PTPRD: variants seen among roughly 807,000 people sequenced by gnomAD.
The protein encoded by PTPRD is receptor-type tyrosine-protein phosphatase delta.
PTPRD carries 34 observed loss-of-function variants against 214.5 expected under a neutral mutation model. The ratio of observed to expected loss-of-function variants is 0.16; its 90% confidence interval spans 0.12 to 0.21. PTPRD has a LOEUF of 0.21. Among genes scored for constraint, PTPRD ranks in the 10% least tolerant of loss-of-function variants. The pLI, the probability that PTPRD is intolerant of heterozygous loss-of-function variation, is 1.00. For synonymous variants in PTPRD, 1,128 were observed against 845.7 expected (o/e 1.33, Z -5.79); for missense variants, 2,545 against 2,398.7 (o/e 1.06, Z -1.27).
chr9:8,774,851 A>T (rs2095406310), intron 11 of PTPRD, among the ~76,000 whole-genome samples: 1 of 152,200 alleles, frequency 6.6e-6, no homozygotes, highest in African/African-American at 2.4e-5. Flanking sequence ...GTAACTTTAA[A>T]GGGAGAAAAT....
intron 39 of PTPRD, among the ~76,000 whole-genome samples, chr9:8,351,033 T>C (rs1222612469): frequency 1.3e-5 from 2 of 152,290 alleles, no homozygotes; most frequent in East Asian, 3.9e-4. Context: ...TATTGTAGCA[T>C]TGTTGATGTA....
At chr9:10,303,934 G>A (rs609528) in intron 3 of PTPRD, among the ~76,000 whole-genome samples, 50,644 of 151,772 alleles carry the variant, frequency 0.33, 10,638 homozygotes, top group African/African-American at 0.59. Context: ...TCATCCTGAT[G>A]CTGAAACCCG....
intron 3 of PTPRD, among the ~76,000 whole-genome samples, chr9:10,188,273 T>C (rs1472083051): frequency 6.6e-6 from 1 of 152,202 alleles, no homozygotes; most frequent in African/African-American, 2.4e-5. Context: ...AAATTAGTAT[T>C]AAAGTATAAC....
rs907531275 is a variant in PTPRD, at chr9:9,887,902, G to T, written c.-368+50605C>A. The stretch of plus-strand genomic sequence containing the variant: ...AAGACAAATGTGTCCCAGTAAACAT[G>T]GGGGCTTAAGTCTAATGGAGGGAGA... On this transcript the variant is annotated intron_variant, in intron 5 of 45. Transcript: ENST00000381196. Among the ~76,000 whole-genome samples, 7 of 152,210 alleles carry T rather than the reference G, an allele frequency of 4.6e-5. No individual in the cohort carries two copies. In the East Asian group the frequency reaches 5.8e-4, roughly 13 times the overall value.
Position 9,419,911 on chromosome 9 carries a change from A to G in PTPRD, c.-236-22429T>C, listed in dbSNP as rs145285681. Among the ~76,000 whole-genome samples the G allele has an allele frequency of 4.6e-5, 7 of 151,864 alleles. 1 individual carries two copies. The East Asian group carries it at 1.3e-3, about 29-fold the overall frequency. On this transcript the variant is annotated intron_variant, in intron 8 of 45. Coordinates refer to ENST00000381196, the MANE Select transcript of PTPRD (RefSeq NM_002839.4). Reference sequence around the variant, plus strand: ...TTGCTTTATTTATCAACAACTGAACAAAGTATAACATCAAAATACTTTTAA... The same window carrying G: ...TTGCTTTATTTATCAACAACTGAACGAAGTATAACATCAAAATACTTTTAA...
intron 5 of PTPRD, among the ~76,000 whole-genome samples, chr9:9,919,884 T>C (rs530293465): frequency 6.6e-6 from 1 of 152,172 alleles, no homozygotes; most frequent in African/African-American, 2.4e-5. Flanking sequence ...CATGTGGATA[T>C]AATAGGACTT....
chr9:8,967,567 C>A (rs570838339), intron 11 of PTPRD, among the ~76,000 whole-genome samples: 1 of 151,520 alleles, frequency 6.6e-6, no homozygotes, highest in African/African-American at 2.4e-5. Flanking sequence ...AATTAACACA[C>A]CAAATCAATC....
At chr9:9,322,835 G>A (rs1248807407) in intron 9 of PTPRD, among the ~76,000 whole-genome samples, 2 of 152,138 alleles carry the variant, frequency 1.3e-5, no homozygotes, top group South Asian at 2.1e-4. Flanking sequence ...GCATGTAAGA[G>A]TGAGTCATTT....
At chr9:8,913,657 C>G (rs1260013267) in intron 11 of PTPRD, among the ~76,000 whole-genome samples, 1 of 152,110 alleles carries the variant, frequency 6.6e-6, no homozygotes, top group Non-Finnish European at 1.5e-5. Context: ...CTTATTAAGG[C>G]AAACTTTCCC....
intron 11 of PTPRD, among the ~76,000 whole-genome samples, chr9:8,894,018 C>G (rs532794303): frequency 2.6e-4 from 39 of 152,104 alleles, no homozygotes; most frequent in African/African-American, 8.0e-4. Context: ...GTAAAGCACA[C>G]CCGAAGATAC....
chr9:8,936,656 G>T (rs1445602318), intron 11 of PTPRD, among the ~76,000 whole-genome samples: 1 of 152,048 alleles, frequency 6.6e-6, no homozygotes, highest in Non-Finnish European at 1.5e-5. Context: ...GAATGAAAAT[G>T]CTAAGCTTAG....
At chr9:8,562,577 C>A (rs1223879418) in intron 14 of PTPRD, among the ~76,000 whole-genome samples, 1 of 152,056 alleles carries the variant, frequency 6.6e-6, no homozygotes. Flanking sequence ...GGTGGGACTA[C>A]AGACATGTGC....
intron 44 of PTPRD, among the ~76,000 whole-genome samples, chr9:8,322,428 C>A (rs879009210): frequency 3.8e-4 from 58 of 152,110 alleles, no homozygotes; most frequent in African/African-American, 1.4e-3. Context: ...GGAAGTAGAA[C>A]AGCTTTACTG....
intron 12 of PTPRD, chr9:8,713,672 C>T: frequency 6.6e-7 from 1 of 1,508,634 alleles, no homozygotes; most frequent in African/African-American, 1.4e-5. Context: ...CGCGCCCGGG[C>T]CCACTCCATT....
Position 9,545,950 on chromosome 9 carries a change from AT to A in PTPRD, c.-237+28781del, listed in dbSNP as rs532482606. On this transcript the variant is annotated intron_variant, in intron 8 of 45. Coordinates refer to ENST00000381196, the MANE Select transcript of PTPRD (RefSeq NM_002839.4). Reference sequence around the variant, plus strand: ...GTATGGAATATCTTCCCACTTTTTAATTTTTTTTATTCTATCAGGGTTTTTC... The same window carrying A: ...GTATGGAATATCTTCCCACTTTTTAATTTTTTTATTCTATCAGGGTTTTTC... Among the ~76,000 whole-genome samples, 125 of 151,614 alleles carry A rather than the reference AT, an allele frequency of 8.2e-4. 2 individuals carry two copies. In the South Asian group the frequency reaches 0.025, roughly 31 times the overall value.
chr9:8,559,243 C>T (rs533363104), intron 14 of PTPRD, among the ~76,000 whole-genome samples: 21 of 152,112 alleles, frequency 1.4e-4, no homozygotes, highest in South Asian at 1.2e-3. Flanking sequence ...ATTTCAAAAG[C>T]GCTAGAGGAA....
intron 35 of PTPRD, among the ~76,000 whole-genome samples, chr9:8,423,558 A>G (rs2094489144): frequency 6.6e-6 from 1 of 152,178 alleles, no homozygotes; most frequent in South Asian, 2.1e-4. Flanking sequence ...AAAGACTTAT[A>G]AATCATAATT....
chr9:8,435,940 A>G (rs1405293225), intron 35 of PTPRD, among the ~76,000 whole-genome samples: 1 of 152,236 alleles, frequency 6.6e-6, no homozygotes, highest in African/African-American at 2.4e-5. Context: ...CAATAATTAC[A>G]GAGTTTTCAT....
At chr9:9,924,855 T>C (rs996603729) in intron 5 of PTPRD, among the ~76,000 whole-genome samples, 11 of 152,142 alleles carry the variant, frequency 7.2e-5, no homozygotes, top group African/African-American at 2.2e-4. Context: ...AATTTGTTGC[T>C]AGTAATGTTA....
Sources: allele counts gnomAD v4.1 joint callset (sites outside exome capture counted in the v4.1 genomes callset), GRCh38; gene constraint gnomAD v4.1.1; transcripts MANE v1.5; gene names NCBI Gene and HGNC (gene_info 2026-07-23, HGNC 2026-07-21).